CNNM2: variants seen among roughly 807,000 people sequenced by gnomAD.
CNNM2 encodes the protein metal transporter CNNM2.
CNNM2 carries 12 observed loss-of-function variants against 66.9 expected under a neutral mutation model. The ratio of observed to expected loss-of-function variants is 0.18; its 90% CI spans 0.11 to 0.29. The LOEUF (loss-of-function observed/expected upper bound fraction) is 0.29, where lower values mean the gene tolerates loss of function less well. CNNM2 is among the 10% of genes least tolerant of loss of function. The pLI, the probability that CNNM2 is intolerant of heterozygous loss-of-function variation, is 1.00. For synonymous variants in CNNM2, 557 were observed against 501.8 expected (o/e 1.11, Z -1.47); for missense variants, 705 against 1,167.7 (o/e 0.60, Z 5.77).
intron 1 of CNNM2, among the ~76,000 whole-genome samples, chr10:103,037,230 G>C (rs1180993911): frequency 6.7e-6 from 1 of 148,808 alleles, no homozygotes; most frequent in East Asian, 1.9e-4. Context: ...TTAGCCCTGT[G>C]TTGGGAATTA....
At chr10:102,964,297 C>T (rs906891928) in intron 1 of CNNM2, among the ~76,000 whole-genome samples, 36 of 151,578 alleles carry the variant, frequency 2.4e-4, no homozygotes, top group African/African-American at 7.8e-4. Context: ...GGCACCATCT[C>T]GGCTCACTGC....
chr10:102,977,207 G>T (rs2063648371), intron 1 of CNNM2, among the ~76,000 whole-genome samples: 1 of 152,146 alleles, frequency 6.6e-6, no homozygotes, highest in Non-Finnish European at 1.5e-5. Flanking sequence ...GTTTGTACAG[G>T]TTGCGTATTC....
chr10:102,966,566 G>T (rs565624452), intron 1 of CNNM2, among the ~76,000 whole-genome samples: 2 of 152,346 alleles, frequency 1.3e-5, no homozygotes, highest in Non-Finnish European at 2.9e-5. Context: ...GACGGAGGCT[G>T]CAGTGAGTCG....
At chr10:102,964,743 A>G (rs998710148) in intron 1 of CNNM2, among the ~76,000 whole-genome samples, 1 of 152,046 alleles carries the variant, frequency 6.6e-6, no homozygotes, top group Admixed American at 6.5e-5. Context: ...TCATCTTTAA[A>G]ACACCTCCTA....
At chr10:102,944,185 T>C (rs1403939848) in intron 1 of CNNM2, among the ~76,000 whole-genome samples, 3 of 151,114 alleles carry the variant, frequency 2.0e-5, no homozygotes, top group Non-Finnish European at 4.4e-5. Flanking sequence ...TTCAAGCAAT[T>C]CTCCTGTCTC....
intron 1 of CNNM2, among the ~76,000 whole-genome samples, chr10:103,031,663 T>G (rs997179622): frequency 3.9e-5 from 6 of 152,128 alleles, no homozygotes; most frequent in Non-Finnish European, 8.8e-5. Context: ...GAAGTTTATA[T>G]GGAGTGCAGT....
In CNNM2 at chr10:103,077,275, C is replaced by T. The variant is rs968327499; in HGVS notation, c.*95C>T. 96 of 1,118,130 alleles carry T rather than the reference C, an allele frequency of 8.6e-5. No homozygotes were observed. Among genetic ancestry groups the T allele is most frequent in the Non-Finnish European group, 1.2e-4 (92 of 768,508 alleles). The allele number at this position is 1,118,130 out of a possible 1,614,324, so 69.3% of individuals were successfully genotyped here. A position where few individuals can be genotyped will look rare whatever the true frequency, so the allele number is the denominator to read the frequency against. ...ACTTCACTGGTGTGAGCTTGTCCGC[C>T]ATGCTGTACCCTGCAACATCCTGAG... On this transcript the variant is annotated 3_prime_UTR_variant, in exon 8 of 8. Transcript: ENST00000369878.
chr10:103,004,117 C>A (rs934270674), intron 1 of CNNM2, among the ~76,000 whole-genome samples: 1 of 138,790 alleles, frequency 7.2e-6, no homozygotes, highest in South Asian at 2.7e-4. Flanking sequence ...ATTCTCCTAC[C>A]TCAGCCTCCC....
At chr10:102,932,853 G>C (rs1270392096) in intron 1 of CNNM2, among the ~76,000 whole-genome samples, 2 of 149,770 alleles carry the variant, frequency 1.3e-5, no homozygotes, top group African/African-American at 4.9e-5. Flanking sequence ...AGAGGTCAAG[G>C]TTGCAATGAG....
rs768614678 is a variant in CNNM2 at position 103,076,194 on chromosome 10, A to C, written c.2342A>C (p.Gln781Pro). The C allele has an allele frequency of 6.3e-7, 1 of 1,597,896 alleles. No individual in the cohort carries two copies. The highest frequency in any genetic ancestry group is 1.3e-5 in the African/African-American group (1 of 74,574). Residue 781 changes from glutamine (Q) to proline (P), a missense_variant, in exon 7 of 8, where the codon CAG becomes CCG. Gln to Pro is a moderately conservative substitution (Grantham distance 76). Around this residue, in one of 9 missense-constraint regions of CNNM2, gnomAD observed 194 missense variants for 227.6 expected, o/e 0.85. Transcript: ENST00000369878. ...VTPTLGSSNNQLNSSLLQVYI... is the reference protein window; with the variant it reads ...VTPTLGSSNNPLNSSLLQVYI... ...CCAACACTGGGGAGCAGCAATAACC[A>C]GCTCAATTCTTCGCTCCTCCAAGTC...
At chr10:102,989,020 A>G (rs2063848191) in intron 1 of CNNM2, among the ~76,000 whole-genome samples, 2 of 152,210 alleles carry the variant, frequency 1.3e-5, no homozygotes, top group Non-Finnish European at 2.9e-5. Context: ...TTGTCTAACT[A>G]CACAGGCTTG....
At chr10:102,943,866 A>G (rs1846514754) in intron 1 of CNNM2, among the ~76,000 whole-genome samples, 1 of 152,184 alleles carries the variant, frequency 6.6e-6, no homozygotes, top group South Asian at 2.1e-4. Context: ...CCTAAAGAGT[A>G]CTTAGTTCTG....
chr10:103,052,206 A>G (rs1317966099), intron 2 of CNNM2, among the ~76,000 whole-genome samples: 1 of 150,664 alleles, frequency 6.6e-6, no homozygotes, highest in Non-Finnish European at 1.5e-5. Context: ...ACTTGAACCC[A>G]GGAGGCAGAG....
At chr10:102,978,462 T>C (rs888530044) in intron 1 of CNNM2, among the ~76,000 whole-genome samples, 4 of 152,146 alleles carry the variant, frequency 2.6e-5, no homozygotes, top group Non-Finnish European at 5.9e-5. Context: ...AGCTTCAGAA[T>C]ATTTCCAGAA....
intron 1 of CNNM2, among the ~76,000 whole-genome samples, chr10:102,931,717 T>C (rs1318310458): frequency 6.6e-6 from 1 of 152,162 alleles, no homozygotes; most frequent in Non-Finnish European, 1.5e-5. Context: ...CTGGATCATA[T>C]GGTAATTCTA....
chr10:103,011,322 G>A (rs1452389061), intron 1 of CNNM2, among the ~76,000 whole-genome samples: 1 of 152,040 alleles, frequency 6.6e-6, no homozygotes, highest in Non-Finnish European at 1.5e-5. Flanking sequence ...GTGTGGTGGT[G>A]CGTGCCTGTA....
intron 1 of CNNM2, among the ~76,000 whole-genome samples, chr10:102,957,578 A>G (rs1190719397): frequency 6.6e-6 from 1 of 152,232 alleles, no homozygotes; most frequent in Non-Finnish European, 1.5e-5. Flanking sequence ...AAGAAATCAA[A>G]GAATTGTTTT....
Position 103,087,149 on chromosome 10 carries a change from T to C in CNNM2, c.*9969T>C, listed in dbSNP as rs1348136376. 4 of 92,546 alleles carry C rather than the reference T, an allele frequency of 4.3e-5. No individual in the cohort carries two copies. The highest frequency in any genetic ancestry group is 1.0e-4 in the Non-Finnish European group (4 of 39,118). The allele number at this position is 92,546 out of a possible 1,614,324, so 5.7% of individuals were successfully genotyped here. On this transcript the variant is annotated 3_prime_UTR_variant, in exon 8 of 8. Transcript: ENST00000369878. Reference sequence around the variant, plus strand: ...TATAAAACTCCGCAGGATTTTTTTTTTTTTTTTTTTTTTTTTTTTTTTTAA... The same window carrying C: ...TATAAAACTCCGCAGGATTTTTTTTCTTTTTTTTTTTTTTTTTTTTTTTAA...
rs11191543 is a variant in CNNM2, at chr10:103,064,630, G to A, written c.2074-3999G>A. On this transcript the variant is annotated intron_variant, in intron 4 of 7. Transcript: ENST00000369878. ...GAGACTGAGGAGGGAGGATCAGCCAGGAGTTCAAGACCAGCCTGGGAAACA... is the reference window on the plus strand; with the variant it reads ...GAGACTGAGGAGGGAGGATCAGCCAAGAGTTCAAGACCAGCCTGGGAAACA... 0.094 allele frequency among the ~76,000 whole-genome samples: 14,316 copies of A among 152,242 alleles called. 878 individuals carry two copies. Among genetic ancestry groups the A allele is most frequent in the East Asian group, 0.28 (1,437 of 5,164 alleles).
Sources: allele counts gnomAD v4.1 joint callset (sites outside exome capture counted in the v4.1 genomes callset), GRCh38; gene constraint gnomAD v4.1.1; regional missense constraint gnomAD v4.1.1; transcripts MANE v1.5; gene names NCBI Gene and HGNC (gene_info 2026-07-23, HGNC 2026-07-21).